NIBAN2: variants seen among roughly 807,000 people sequenced by gnomAD.
The protein encoded by NIBAN2 is niban apoptosis regulator 2, also known as protein Niban 2.
In NIBAN2, 36 loss-of-function variants were observed where a neutral mutation model predicts 81.8. The ratio of observed to expected loss-of-function variants is 0.44; its 90% CI spans 0.34 to 0.58. NIBAN2 has a LOEUF of 0.58. Ranked by LOEUF, NIBAN2 falls within the 20% of genes least tolerant of loss-of-function variation. The pLI is 0.02. For synonymous variants in NIBAN2, 445 were observed against 441.6 expected (o/e 1.01, Z -0.10); for missense variants, 897 against 1,014.1 (o/e 0.88, Z 1.57).
At chr9:127,537,787 A>G (rs933321103) in intron 1 of NIBAN2, among the ~76,000 whole-genome samples, 76 of 152,160 alleles carry the variant, frequency 5.0e-4, no homozygotes, top group African/African-American at 1.8e-3. Flanking sequence ...ACCGAGGCTC[A>G]GAACAATTAA....
chr9:127,530,883 A>G (rs1450950571), intron 2 of NIBAN2, among the ~76,000 whole-genome samples: 2 of 152,164 alleles, frequency 1.3e-5, no homozygotes, highest in African/African-American at 4.8e-5. Flanking sequence ...CCACCTATTC[A>G]GAAGTGGGAA....
chr9:127,559,195 T>C lies in NIBAN2; in HGVS notation c.55+9625A>G, dbSNP rs1837728204. Among the ~76,000 whole-genome samples the C allele has an allele frequency of 6.6e-6, 1 of 152,188 alleles. No individual in the cohort carries two copies. ...ATGAGTTCCATGAGATCAGGGCTCATGTCACTGCTTTGTCCCCAGTTCCCA... is the reference window on the plus strand; with the variant it reads ...ATGAGTTCCATGAGATCAGGGCTCACGTCACTGCTTTGTCCCCAGTTCCCA... On this transcript the variant is annotated intron_variant, in intron 1 of 13. Transcript: ENST00000373312. The surrounding 1 kb of genome is among the most constrained non-coding windows in gnomAD (Gnocchi z 4.0).
At position 127,530,412 on chromosome 9, in the gene NIBAN2, G is replaced by A. The variant is rs946092705; in HGVS notation, c.186+1236C>T. Reference sequence around the variant, plus strand: ...TAAAGGCTCAGCCTTGGCCAGGTGCGGCAGCTGAGGCCTGTAATCCCAGCA... The same window carrying A: ...TAAAGGCTCAGCCTTGGCCAGGTGCAGCAGCTGAGGCCTGTAATCCCAGCA... On this transcript the variant is annotated intron_variant, in intron 2 of 13. Transcript: ENST00000373312. Among the ~76,000 whole-genome samples, 16 of 152,154 alleles carry A rather than the reference G, an allele frequency of 1.1e-4. 1 individual carries two copies. In the South Asian group the frequency reaches 1.9e-3, roughly 18 times the overall value.
intron 1 of NIBAN2, among the ~76,000 whole-genome samples, chr9:127,567,629 C>T (rs777341428): frequency 6.6e-6 from 1 of 152,210 alleles, no homozygotes; most frequent in Non-Finnish European, 1.5e-5. Context: ...CTCAGGGCTT[C>T]CTGCTCTCAA....
At chr9:127,527,448 T>G in intron 2 of NIBAN2, 126 bp from the exon 3 acceptor site, 1 of 883,374 alleles carries the variant, frequency 1.1e-6, no homozygotes, top group Non-Finnish European at 1.8e-6. Context: ...CCATTTTGGG[T>G]CTCCCCAAGT....
chr9:127,578,852 C>T (rs1433774518), intron 1 of NIBAN2: 18 of 1,483,914 alleles, frequency 1.2e-5, no homozygotes, highest in Non-Finnish European at 1.7e-5. Context: ...GCAAAACCTC[C>T]TCTCTAAACA....
In NIBAN2 at chr9:127,536,568, C is replaced by T. The variant is rs1837282809; in HGVS notation, c.56-4790G>A. Reference sequence around the variant, plus strand: ...GGGGGTCCTGAGCCCGGGCACCCCTCTTTCCTCCATACTTGCCCACAGCAG... The same window carrying T: ...GGGGGTCCTGAGCCCGGGCACCCCTTTTTCCTCCATACTTGCCCACAGCAG... On this transcript the variant is annotated intron_variant, in intron 1 of 13. Transcript: ENST00000373312. This position sits in a 1 kb window ranked among gnomAD's most constrained non-coding sequence, Gnocchi z 4.0. Among the ~76,000 whole-genome samples the T allele has an allele frequency of 6.6e-6, 1 of 152,358 alleles. No homozygotes were observed. Among genetic ancestry groups the T allele is most frequent in the African/African-American group, 2.4e-5 (1 of 41,568 alleles).
At chr9:127,577,316 C>T (rs946494322) in intron 1 of NIBAN2, among the ~76,000 whole-genome samples, 42 of 152,054 alleles carry the variant, frequency 2.8e-4, no homozygotes, top group African/African-American at 9.2e-4. Flanking sequence ...CACCCTCCCC[C>T]CAAAAAAATT....
chr9:127,507,117 G>A lies in NIBAN2; in HGVS notation c.1969C>T (p.Leu657=). The change falls in exon 14 of 14, where the codon CTG becomes TTG. Residue 657 remains leucine (L), a synonymous_variant. Coordinates refer to ENST00000373312, the MANE Select transcript of NIBAN2 (RefSeq NM_022833.4). This position sits in a 1 kb window ranked among gnomAD's most constrained non-coding sequence, Gnocchi z 6.8. ...PDGVTEIRGL[L]AQGLRPESPP... ...CTCTCAGGCCGCAGACCTTGGGCCA[G>A]CAGGCCTCGGATCTCAGTGACACCG... 1 of 1,589,648 alleles carries A rather than the reference G, an allele frequency of 6.3e-7. No individual in the cohort carries two copies.
intron 1 of NIBAN2, among the ~76,000 whole-genome samples, chr9:127,544,655 C>T (rs1019271021): frequency 6.6e-6 from 1 of 152,158 alleles, no homozygotes; most frequent in Non-Finnish European, 1.5e-5. Context: ...AGGCATGTGC[C>T]ACCACACCCA....
intron 1 of NIBAN2, among the ~76,000 whole-genome samples, chr9:127,575,097 T>G (rs1837992080): frequency 6.6e-6 from 1 of 152,106 alleles, no homozygotes; most frequent in Non-Finnish European, 1.5e-5. Context: ...AGAGAAAGAC[T>G]CCAGACATGG....
chr9:127,510,476 G>A (rs868746196), intron 8 of NIBAN2, 143 bp from the exon 9 acceptor site: 26 of 505,778 alleles, frequency 5.1e-5, no homozygotes, highest in African/African-American at 2.2e-4. Context: ...TCGCTCTGTC[G>A]CCCAGGCTGG....
chr9:127,527,100 G>T, intron 3 of NIBAN2, 94 bp downstream of exon 3: 1 of 1,497,734 alleles, frequency 6.7e-7, no homozygotes, highest in Middle Eastern at 2.3e-4. Flanking sequence ...AGGCTGTGAC[G>T]GTGGCGTCTG....
intron 1 of NIBAN2, among the ~76,000 whole-genome samples, chr9:127,558,328 C>T (rs760837660): frequency 6.6e-6 from 1 of 152,006 alleles, no homozygotes; most frequent in Non-Finnish European, 1.5e-5. Context: ...GGGCCCTGCA[C>T]GGGTGCGGGG....
At chr9:127,538,944 CAAAAA>C (rs59404269) in intron 1 of NIBAN2, among the ~76,000 whole-genome samples, 1 of 114,526 alleles carries the variant, frequency 8.7e-6, no homozygotes. Flanking sequence ...GACTCCATCT[CAAAAA>C]AAAAAAAAAA....
At chr9:127,558,989 C>T (rs998170257) in intron 1 of NIBAN2, among the ~76,000 whole-genome samples, 3 of 152,106 alleles carry the variant, frequency 2.0e-5, no homozygotes, top group African/African-American at 4.8e-5. Context: ...AGCTGTGTGC[C>T]GAAGGCCACA....
At chr9:127,569,317 A>G (rs1363012573), upstream of NIBAN2, among the ~76,000 whole-genome samples, 2 of 149,988 alleles carry the variant, frequency 1.3e-5, no homozygotes, top group Non-Finnish European at 3.0e-5. Flanking sequence ...GGGGCGGTGG[A>G]CGCCGGGACC....
chr9:127,554,191 T>C (rs1230107338), intron 1 of NIBAN2, among the ~76,000 whole-genome samples: 1 of 152,182 alleles, frequency 6.6e-6, no homozygotes, highest in Non-Finnish European at 1.5e-5. Context: ...CATTCTAAAG[T>C]CCAGCTAACA....
chr9:127,514,554 G>A (rs1275922202), intron 8 of NIBAN2, among the ~76,000 whole-genome samples: 1 of 152,214 alleles, frequency 6.6e-6, no homozygotes, highest in East Asian at 1.9e-4. Context: ...GATGGGTCTT[G>A]CTTCTTCGTT....
Sources: allele counts gnomAD v4.1 joint callset (sites outside exome capture counted in the v4.1 genomes callset), GRCh38; gene constraint gnomAD v4.1.1; non-coding constraint Gnocchi (gnomAD v3.1); transcripts MANE v1.5; gene names NCBI Gene and HGNC (gene_info 2026-07-23, HGNC 2026-07-21).